LARP1B: variants seen among roughly 807,000 people sequenced by gnomAD.
LARP1B encodes the protein la-related protein 1B.
A neutral mutation model predicts 114.2 loss-of-function variants in LARP1B; 76 were observed. The observed-to-expected ratio is 0.67, with a 90% CI of 0.55 to 0.81. The LOEUF (loss-of-function observed/expected upper bound fraction) is 0.81. Ranked by LOEUF, LARP1B falls within the 30% of genes least tolerant of loss-of-function variation. The pLI, the probability that LARP1B is intolerant of heterozygous loss-of-function variation, is 0.00. For synonymous variants in LARP1B, 345 were observed against 348.0 expected (o/e 0.99, Z 0.10); for missense variants, 1,014 against 1,075.8 (o/e 0.94, Z 0.80).
At chr4:128,166,740 C>T (rs980407112) in intron 12 of LARP1B, among the ~76,000 whole-genome samples, 2 of 151,346 alleles carry the variant, frequency 1.3e-5, no homozygotes, top group East Asian at 1.9e-4. Context: ...CTTCATCCCA[C>T]CCTTGGTAAC....
At chr4:128,086,114 C>T (rs930294115) in intron 5 of LARP1B, among the ~76,000 whole-genome samples, 8 of 150,292 alleles carry the variant, frequency 5.3e-5, no homozygotes, top group Middle Eastern at 3.2e-3. Flanking sequence ...CCCTGGTTCA[C>T]GCCATTCACC....
chr4:128,153,275 G>A (rs1009093961), intron 11 of LARP1B, among the ~76,000 whole-genome samples: 4 of 150,524 alleles, frequency 2.7e-5, no homozygotes, highest in Non-Finnish European at 1.5e-5. Flanking sequence ...GAACCACCAC[G>A]CCTGGCCTTG....
intron 3 of LARP1B, among the ~76,000 whole-genome samples, chr4:128,076,802 T>C (rs1768099491): frequency 1.3e-5 from 2 of 152,064 alleles, no homozygotes; most frequent in Non-Finnish European, 1.5e-5. Flanking sequence ...CTCAGCTCAT[T>C]GCAGTCTTGA....
chr4:128,069,516 C>T (rs1195559309), intron 1 of LARP1B: 2 of 748,242 alleles, frequency 2.7e-6, no homozygotes, highest in Non-Finnish European at 4.9e-6. Context: ...GTGGGGAGCC[C>T]TGTGGAGAGC....
At chr4:128,064,594 A>G (rs1761707106) in intron 1 of LARP1B, among the ~76,000 whole-genome samples, 1 of 152,200 alleles carries the variant, frequency 6.6e-6, no homozygotes, top group South Asian at 2.1e-4. Flanking sequence ...CCCAGTGGCA[A>G]GCACTCTAAA....
Position 128,077,847 on chromosome 4 carries a change from G to C in LARP1B, c.102G>C (p.Glu34Asp). 1.2e-6 allele frequency: 2 copies of C among 1,611,406 alleles called. No homozygotes were observed. Among genetic ancestry groups the C allele is most frequent in the East Asian group, 4.5e-5 (2 of 44,836 alleles). The change falls in exon 4 of 20, where the codon GAG becomes GAC. Residue 34 changes from glutamate (E) to aspartate (D), a missense_variant. Glu to Asp is a conservative substitution (Grantham distance 45). Transcript: ENST00000326639. ...KKPQNRKEKE[E>D]KVEKRSNSDS... ...CACAAAATAGAAAAGAAAAAGAAGA[G>C]AAGGTTGAAAAGAGAAGTAACAGTG...
intron 1 of LARP1B, among the ~76,000 whole-genome samples, chr4:128,071,248 G>T (rs1218724373): frequency 6.6e-6 from 1 of 151,798 alleles, no homozygotes; most frequent in South Asian, 2.1e-4. Context: ...GAGTTTCACT[G>T]TGTTAGCCAG....
intron 7 of LARP1B, among the ~76,000 whole-genome samples, chr4:128,096,849 C>T (rs1429312445): frequency 3.9e-5 from 6 of 152,132 alleles, no homozygotes; most frequent in African/African-American, 1.4e-4. Flanking sequence ...ATCTGCCCGC[C>T]TCAGCCTCCC....
chr4:128,078,729 G>A (rs1261193991), intron 4 of LARP1B, among the ~76,000 whole-genome samples: 5 of 151,712 alleles, frequency 3.3e-5, no homozygotes, highest in South Asian at 2.1e-4. Flanking sequence ...TGAACTTTTC[G>A]TGTGTCTAGG....
intron 10 of LARP1B, among the ~76,000 whole-genome samples, chr4:128,118,202 A>G (rs1786618903): frequency 7.1e-6 from 1 of 141,716 alleles, no homozygotes. Flanking sequence ...TTGGGATTAC[A>G]GGCATGAGCC....
intron 11 of LARP1B, among the ~76,000 whole-genome samples, chr4:128,152,931 G>A (rs1015197778): frequency 6.8e-5 from 10 of 147,508 alleles, no homozygotes; most frequent in African/African-American, 2.5e-4. Context: ...CACACAACAG[G>A]ATTTATTATT....
intron 4 of LARP1B, among the ~76,000 whole-genome samples, chr4:128,078,391 G>A (rs1170417582): frequency 2.6e-5 from 4 of 152,016 alleles, no homozygotes; most frequent in African/African-American, 4.8e-5. Context: ...TGAGGCAGGC[G>A]GACCACTTGA....
chr4:128,091,469 C>A lies in LARP1B; in HGVS notation c.625C>A (p.Pro209Thr). The A allele has an allele frequency of 6.2e-7, 1 of 1,611,176 alleles. No individual in the cohort carries two copies. Among genetic ancestry groups the A allele is most frequent in the Non-Finnish European group, 8.5e-7 (1 of 1,178,872 alleles). ...YDDGTGVQVY[P>T]VEEALLKEYI... ...TGATGGTACAGGTGTACAGGTGTAT[C>A]CTGTGGAAGAAGCATTGCTTAAAGA... Residue 209 changes from proline to threonine, a missense_variant, in exon 7 of 20, where the codon CCT becomes ACT. Coordinates refer to ENST00000326639, the MANE Select transcript of LARP1B (RefSeq NM_018078.4).
intron 17 of LARP1B, 126 bp downstream of exon 17, chr4:128,200,791 C>T (rs952677348): frequency 3.0e-5 from 18 of 591,070 alleles, no homozygotes; most frequent in Admixed American, 1.9e-4. Flanking sequence ...CTGAAGTAGC[C>T]TGATTTTGAA....
At chr4:128,104,874 C>G (rs918841945) in intron 8 of LARP1B, among the ~76,000 whole-genome samples, 1 of 152,154 alleles carries the variant, frequency 6.6e-6, no homozygotes, top group African/African-American at 2.4e-5. Flanking sequence ...TCCTGGGAAA[C>G]TGGTGGGTAA....
At chr4:128,123,151 T>C in intron 11 of LARP1B, 2 of 985,430 alleles carry the variant, frequency 2.0e-6, no homozygotes, top group South Asian at 9.4e-5. Flanking sequence ...TCTTGGCTCC[T>C]CATTTCTTTT....
chr4:128,211,963 T>G lies in LARP1B; in HGVS notation c.*1910T>G, dbSNP rs575557028. 2.2e-5 allele frequency: 5 copies of G among 226,326 alleles called. No individual in the cohort carries two copies. The highest frequency in any genetic ancestry group is 3.7e-5 in the Non-Finnish European group (5 of 135,858). 14.0% of individuals were successfully genotyped at this position (226,326 alleles called of 1,614,324 possible). ...AGCACAAAGAAGAAAATAAAGTACT[T>G]GTTATAAAAAGAAGAAAAACCAAAA... is the stretch of plus-strand genomic sequence containing the variant. On this transcript the variant is annotated 3_prime_UTR_variant, in exon 20 of 20. Transcript: ENST00000326639.
At chr4:128,083,823 G>A (rs1771980685) in intron 5 of LARP1B, among the ~76,000 whole-genome samples, 1 of 151,768 alleles carries the variant, frequency 6.6e-6, no homozygotes, top group African/African-American at 2.4e-5. Context: ...CTCCCTCCCG[G>A]ACGGGGCGGC....
At chr4:128,222,362 G>C in exon 8 of LARP1B, 1 of 456,308 alleles carries the variant, frequency 2.2e-6, no homozygotes, top group South Asian at 1.6e-5. Flanking sequence ...CACCATGATC[G>C]ATTACTTCTG....
Sources: gnomAD v4.1 joint callset for allele counts (sites outside exome capture counted in the v4.1 genomes callset) on GRCh38, gnomAD v4.1.1 for gene constraint, MANE v1.5 for transcripts, NCBI Gene and HGNC (gene_info 2026-07-23, HGNC 2026-07-21) for gene names.